Variants in TEX101 observed in about 807,000 individuals in gnomAD.
The protein encoded by TEX101 is testis-expressed protein 101.
Under a neutral mutation model 18.1 loss-of-function variants are expected in TEX101, and 10 were observed. The observed-to-expected ratio is 0.55, with a 90% CI of 0.34 to 0.94. The LOEUF is 0.94. Among genes scored for constraint, TEX101 ranks in the 40% least tolerant of loss-of-function variants. The pLI is 0.02. For synonymous variants in TEX101, 94 were observed against 114.8 expected (o/e 0.82, Z 1.16); for missense variants, 259 against 298.9 (o/e 0.87, Z 0.98).
At chr19:43,392,999 A>C in the TEX101 span, among the ~76,000 whole-genome samples, 1 of 151,912 alleles carries the variant, frequency 6.6e-6, no homozygotes, top group South Asian at 2.1e-4. Context: ...CAGAGGTTGC[A>C]GTGAGCCAAG....
upstream of TEX101, among the ~76,000 whole-genome samples, chr19:43,410,199 G>A (rs1047344937): frequency 1.3e-5 from 2 of 152,166 alleles, no homozygotes; most frequent in Non-Finnish European, 2.9e-5. Context: ...AGGAGAACTG[G>A]AGCACTCAAA....
intron 4 of TEX101, 85 bp downstream of exon 4, chr19:43,416,640 T>C: frequency 7.1e-7 from 1 of 1,405,756 alleles, no homozygotes; most frequent in Non-Finnish European, 9.7e-7. Context: ...CTGACTTGGC[T>C]TAGCCTAAGT....
In TEX101 at chr19:43,418,214, T is replaced by A; in HGVS notation, c.567T>A (p.Ile189=). ...AGGTCAAAGGCTGTACAGCCATGAT[T>A]GGCTGCAGGCTGATGTCTGGAATCT... ...SVEVKGCTAM[I]GCRLMSGILA... The change falls in exon 6 of 6, where the codon ATT becomes ATA. Residue 189 remains isoleucine, a synonymous_variant. Coordinates refer to ENST00000598265, the MANE Select transcript of TEX101 (RefSeq NM_001130011.3). The A allele has an allele frequency of 6.2e-7, 1 of 1,614,176 alleles. No individual in the cohort carries two copies. Among genetic ancestry groups the A allele is most frequent in the Non-Finnish European group, 8.5e-7 (1 of 1,180,006 alleles).
chr19:43,400,061 C>T (rs553842282), upstream of TEX101, among the ~76,000 whole-genome samples: 70 of 152,248 alleles, frequency 4.6e-4, no homozygotes, highest in East Asian at 1.5e-3. Flanking sequence ...GTGATCTACC[C>T]GCCTCAGCCT....
intron 4 of TEX101, 49 bp from the exon 5 acceptor site, chr19:43,417,829 T>G: frequency 8.1e-6 from 13 of 1,609,934 alleles, no homozygotes; most frequent in Non-Finnish European, 1.1e-5. Flanking sequence ...AGGAGCAACA[T>G]CTCTGGAGGC....
the TEX101 span, among the ~76,000 whole-genome samples, chr19:43,393,074 GGGAAGGAAGGAA>G: frequency 1.3e-4 from 17 of 129,402 alleles, no homozygotes; most frequent in Admixed American, 1.6e-4. Context: ...AAAGAAAGAA[GGGAAGGAAGGAA>G]GGAAGGAAGG....
At chr19:43,413,850 G>A (rs868343916), upstream of TEX101, among the ~76,000 whole-genome samples, 9 of 152,076 alleles carry the variant, frequency 5.9e-5, no homozygotes, top group African/African-American at 1.9e-4. Flanking sequence ...CTGCTCAGGG[G>A]AGACTGAGGC....
Position 43,417,952 on chromosome 19 carries a change from C to G in TEX101, c.466C>G (p.Pro156Ala), listed in dbSNP as rs759160436. ...GACCTGTTTCAGTGCTCCTTCTCTTCCCTGTCCCAATGGTACAACTCGATG... is the reference window on the plus strand; with the variant it reads ...GACCTGTTTCAGTGCTCCTTCTCTTGCCTGTCCCAATGGTACAACTCGATG... ...LGTCFSAPSL[P>A]CPNGTTRCYQ... Residue 156 changes from proline (P) to alanine (A), a missense_variant, in exon 5 of 6, where the codon CCC becomes GCC. Pro to Ala is a conservative substitution (Grantham distance 27, BLOSUM62 -1). Transcript: ENST00000598265. The G allele has an allele frequency of 1.2e-6, 2 of 1,614,062 alleles. No individual in the cohort carries two copies. Among genetic ancestry groups the G allele is most frequent in the Non-Finnish European group, 1.7e-6 (2 of 1,180,034 alleles).
chr19:43,396,211 T>C, the TEX101 span, among the ~76,000 whole-genome samples: 1 of 152,132 alleles, frequency 6.6e-6, no homozygotes, highest in Admixed American at 6.5e-5. Context: ...TGGAGAGATA[T>C]TTAGGTATTT....
intron 4 of TEX101, among the ~76,000 whole-genome samples, chr19:43,417,334 A>G (rs575653444): frequency 2.3e-4 from 35 of 152,308 alleles, no homozygotes; most frequent in African/African-American, 7.5e-4. Flanking sequence ...AAACAGATCA[A>G]AGAAACAGCT....
At chr19:43,417,460 C>G (rs1015917235) in intron 4 of TEX101, among the ~76,000 whole-genome samples, 2 of 152,244 alleles carry the variant, frequency 1.3e-5, no homozygotes, top group Non-Finnish European at 2.9e-5. Context: ...CTCCCCACCC[C>G]ATTTTCACAT....
the TEX101 span, among the ~76,000 whole-genome samples, chr19:43,395,013 C>G: frequency 2.0e-5 from 3 of 152,090 alleles, no homozygotes; most frequent in African/African-American, 7.2e-5. Context: ...TGGGAGTTCA[C>G]AGAAAAGAAG....
At chr19:43,403,204 A>G (rs1052059940) in intron 2 of TEX101, among the ~76,000 whole-genome samples, 1 of 152,216 alleles carries the variant, frequency 6.6e-6, no homozygotes, top group Non-Finnish European at 1.5e-5. Flanking sequence ...TTGGATTCCT[A>G]AGATGTAATT....
chr19:43,391,990 C>T, the TEX101 span, among the ~76,000 whole-genome samples: 1 of 152,326 alleles, frequency 6.6e-6, no homozygotes, highest in African/African-American at 2.4e-5. Context: ...CAGAACCCTG[C>T]TGGCCACCCA....
the TEX101 span, among the ~76,000 whole-genome samples, chr19:43,393,112 G>GA: frequency 4.6e-5 from 7 of 151,962 alleles, no homozygotes; most frequent in East Asian, 1.9e-4. Flanking sequence ...AGGAAAGAAA[G>GA]AAGGAAAGAC....
chr19:43,393,313 C>T, the TEX101 span, among the ~76,000 whole-genome samples: 1 of 152,178 alleles, frequency 6.6e-6, no homozygotes, highest in African/African-American at 2.4e-5. Flanking sequence ...TGCCCAGTGC[C>T]CCTGAGCTGC....
chr19:43,394,468 C>G, the TEX101 span, among the ~76,000 whole-genome samples: 1 of 150,844 alleles, frequency 6.6e-6, no homozygotes, highest in Non-Finnish European at 1.5e-5. Flanking sequence ...AATTGCCTGA[C>G]TTACTTTTTT....
chr19:43,389,978 T>A, the TEX101 span, among the ~76,000 whole-genome samples: 1 of 152,146 alleles, frequency 6.6e-6, no homozygotes, highest in East Asian at 1.9e-4. Flanking sequence ...GCAGAGATGA[T>A]CTTTTTCAGG....
At chr19:43,397,191 G>A (rs775215047), upstream of TEX101, among the ~76,000 whole-genome samples, 1 of 152,106 alleles carries the variant, frequency 6.6e-6, no homozygotes. Flanking sequence ...AGTCTCATGA[G>A]GTTGGAGTGA....
Sources: allele counts gnomAD v4.1 joint callset (sites outside exome capture counted in the v4.1 genomes callset), GRCh38; gene constraint gnomAD v4.1.1; transcripts MANE v1.5; gene names NCBI Gene and HGNC (gene_info 2026-07-23, HGNC 2026-07-21).